Variants in MYZAP observed in about 807,000 individuals in gnomAD.
MYZAP encodes the protein GRINL1A complex locus upstream.
MYZAP carries 66 observed loss-of-function variants against 69.4 expected under a neutral mutation model. That is an observed-to-expected ratio of 0.95 (90% CI 0.78 to 1.17). The LOEUF is 1.17. MYZAP is among the 50% of genes most tolerant of loss of function. The pLI, the probability that MYZAP is intolerant of heterozygous loss-of-function variation, is 0.00. For missense variants in MYZAP, 611 were observed against 556.2 expected (o/e 1.10, Z -0.99); for synonymous variants, 256 against 205.9 (o/e 1.24, Z -2.09).
In MYZAP at chr15:57,639,475, G is replaced by C. The variant is rs763722435; in HGVS notation, c.1049G>C (p.Arg350Pro). 6.2e-7 allele frequency: 1 copy of C among 1,614,098 alleles called. No individual in the cohort carries two copies. Among genetic ancestry groups the C allele is most frequent in the East Asian group, 2.2e-5 (1 of 44,860 alleles). Residue 350 changes from arginine (R) to proline (P), a missense_variant, in exon 10 of 13, where the codon CGT becomes CCT. Arg to Pro is a moderately radical substitution (Grantham distance 103, BLOSUM62 -2). Coordinates refer to ENST00000267853, the MANE Select transcript of MYZAP (RefSeq NM_001018100.5). Reference sequence around the variant, plus strand: ...TTGGAGGAGGCATCAGCCAGCCTCCGTGAGCGGATCAGACACCTAGATGAC... The same window carrying C: ...TTGGAGGAGGCATCAGCCAGCCTCCCTGAGCGGATCAGACACCTAGATGAC... ...QQLEEASASL[R>P]ERIRHLDDMV...
At chr15:57,684,131 AGG>A (rs56295146) in intron 12 of MYZAP, among the ~76,000 whole-genome samples, 2 of 151,886 alleles carry the variant, frequency 1.3e-5, no homozygotes, top group Non-Finnish European at 2.9e-5. Flanking sequence ...CCCATTCATG[AGG>A]GCTCCACCCT....
chr15:57,592,943 T>A (rs1229530125), intron 1 of MYZAP, among the ~76,000 whole-genome samples: 4 of 152,170 alleles, frequency 2.6e-5, no homozygotes, highest in Admixed American at 1.3e-4. Context: ...TCTGTAATCG[T>A]GTTTCCTCAA....
At chr15:57,666,338 C>T (rs768403192) in intron 11 of MYZAP, among the ~76,000 whole-genome samples, 6 of 152,156 alleles carry the variant, frequency 3.9e-5, no homozygotes, top group Non-Finnish European at 8.8e-5. Flanking sequence ...ATCCTGGGCT[C>T]GGAGAAAAGG....
intron 1 of MYZAP, among the ~76,000 whole-genome samples, chr15:57,593,186 GCGCA>G (rs2086377245): frequency 3.4e-5 from 1 of 29,298 alleles, no homozygotes. Flanking sequence ...GTGTACACAG[GCGCA>G]CACACACACA....
intron 11 of MYZAP, among the ~76,000 whole-genome samples, chr15:57,673,533 T>G (rs1275281576): frequency 6.8e-6 from 1 of 147,634 alleles, no homozygotes; most frequent in Admixed American, 6.8e-5. Context: ...CTGATGACTC[T>G]CCGGGAATAA....
At chr15:57,604,442 A>G in intron 2 of MYZAP, 87 bp downstream of exon 2, 1 of 1,460,526 alleles carries the variant, frequency 6.8e-7, no homozygotes, top group Non-Finnish European at 9.5e-7. Context: ...GGCCATTCCC[A>G]GAGGCTGGGT....
At chr15:57,636,264 A>G (rs1333156080) in intron 8 of MYZAP, among the ~76,000 whole-genome samples, 2 of 152,148 alleles carry the variant, frequency 1.3e-5, no homozygotes, top group African/African-American at 2.4e-5. Context: ...GCCAGGCCAT[A>G]AGAATGTGCA....
chr15:57,648,226 A>G, intron 10 of MYZAP: 1 of 985,418 alleles, frequency 1.0e-6, no homozygotes, highest in Non-Finnish European at 1.2e-6. Context: ...ATTATTTAAA[A>G]AAGCAGGTTC....
At chr15:57,631,890 C>T (rs1306135657) in intron 6 of MYZAP, among the ~76,000 whole-genome samples, 1 of 152,156 alleles carries the variant, frequency 6.6e-6, no homozygotes, top group Non-Finnish European at 1.5e-5. Context: ...AGAACGTGGC[C>T]TGGCAAACAG....
intron 1 of MYZAP, among the ~76,000 whole-genome samples, chr15:57,601,975 C>G (rs1481835377): frequency 6.6e-6 from 1 of 152,140 alleles, no homozygotes; most frequent in African/African-American, 2.4e-5. Flanking sequence ...GGGTCCCAAA[C>G]CTGGGCTCCC....
Position 57,604,311 on chromosome 15 carries a change from C to T in MYZAP, c.118C>T (p.Pro40Ser). 4 of 1,614,184 alleles carry T rather than the reference C, an allele frequency of 2.5e-6. No homozygotes were observed. Among genetic ancestry groups the T allele is most frequent in the Non-Finnish European group, 3.4e-6 (4 of 1,180,026 alleles). Residue 40 changes from proline (P) to serine (S), a missense_variant, in exon 2 of 13, where the codon CCA (proline) becomes TCA (serine). Coordinates refer to ENST00000267853, the MANE Select transcript of MYZAP (RefSeq NM_001018100.5). Reference protein sequence around the residue: ...RLRLTVPPESPVPEQCEKKIE... With the variant: ...RLRLTVPPESSVPEQCEKKIE... ...ACGGCTGACCGTACCTCCTGAGAGT[C>T]CAGTTCCTGAGCAATGTGAAAAGAA... is the stretch of plus-strand genomic sequence containing the variant.
intron 1 of MYZAP, among the ~76,000 whole-genome samples, chr15:57,603,723 C>A (rs2034561915): frequency 6.6e-6 from 1 of 152,048 alleles, no homozygotes; most frequent in Non-Finnish European, 1.5e-5. Flanking sequence ...TTTTGTTTAT[C>A]CATTCATCTG....
Position 57,684,549 on chromosome 15 carries a change from G to A in MYZAP, c.*51G>A, listed in dbSNP as rs1315106559. ...AGATGGACAAAAGCTCTGGAACCCT[G>A]TGGCTTCAAATCCTTTGGGAAGGGT... is the stretch of plus-strand genomic sequence containing the variant. On this transcript the variant is annotated 3_prime_UTR_variant, in exon 13 of 13. Transcript: ENST00000267853. 5 of 1,217,878 alleles carry A rather than the reference G, an allele frequency of 4.1e-6. No homozygotes were observed. The highest frequency in any genetic ancestry group is 3.8e-4 in the Middle Eastern group (2 of 5,280). 75.4% of individuals were successfully genotyped at this position (1,217,878 alleles called of 1,614,324 possible). A position where few individuals can be genotyped will look rare whatever the true frequency, so the allele number is the denominator to read the frequency against.
intron 10 of MYZAP, among the ~76,000 whole-genome samples, chr15:57,649,283 A>G (rs77829044): frequency 0.074 from 11,236 of 152,286 alleles, 547 homozygotes; most frequent in Middle Eastern, 0.16. Context: ...ATATTGCCCA[A>G]TCGCTGCCCA....
At chr15:57,675,999 G>T (rs1321042557) in intron 12 of MYZAP, among the ~76,000 whole-genome samples, 1 of 152,076 alleles carries the variant, frequency 6.6e-6, no homozygotes, top group African/African-American at 2.4e-5. Context: ...AATCTTGAGT[G>T]GTTACAGCTG....
intron 10 of MYZAP, among the ~76,000 whole-genome samples, chr15:57,650,947 T>A (rs1388780556): frequency 1.3e-5 from 2 of 152,188 alleles, no homozygotes; most frequent in Non-Finnish European, 2.9e-5. Flanking sequence ...TGACACCAAT[T>A]GTGATGGTTT....
chr15:57,654,461 A>G (rs753211085), intron 10 of MYZAP, among the ~76,000 whole-genome samples: 4 of 152,180 alleles, frequency 2.6e-5, no homozygotes, highest in Non-Finnish European at 5.9e-5. Context: ...CCTGTTTTAC[A>G]TAAGGCATTT....
chr15:57,683,091 C>G (rs1227232898), intron 12 of MYZAP, among the ~76,000 whole-genome samples: 1 of 152,134 alleles, frequency 6.6e-6, no homozygotes, highest in African/African-American at 2.4e-5. Flanking sequence ...GGCTGTGGAA[C>G]TAGCAACAGT....
chr15:57,661,328 G>A, intron 10 of MYZAP, 122 bp from the exon 11 acceptor site: 1 of 785,826 alleles, frequency 1.3e-6, no homozygotes. Flanking sequence ...CACTGGAAAT[G>A]AGGAAAAATA....
Sources: allele counts gnomAD v4.1 joint callset (sites outside exome capture counted in the v4.1 genomes callset), GRCh38; gene constraint gnomAD v4.1.1; transcripts MANE v1.5; gene names NCBI Gene and HGNC (gene_info 2026-07-23, HGNC 2026-07-21).